Variants in CCDC78 observed in about 807,000 individuals in gnomAD.
CCDC78 encodes the protein coiled-coil domain-containing protein 78.
CCDC78 carries 78 observed loss-of-function variants against 61.9 expected under a neutral mutation model. The observed-to-expected ratio is 1.26, with a 90% confidence interval of 1.05 to 1.52. CCDC78 has a LOEUF of 1.52. Ranked by LOEUF, CCDC78 falls within the 40% of genes most tolerant of loss-of-function variation. CCDC78 has a pLI of 0.00. For synonymous variants in CCDC78, 287 were observed against 251.9 expected (o/e 1.14, Z -1.32); for missense variants, 737 against 615.5 (o/e 1.20, Z -2.09).
In CCDC78 at chr16:722,946, T is replaced by A; in HGVS notation, c.1277A>T (p.Glu426Val). 2.5e-6 allele frequency: 4 copies of A among 1,612,332 alleles called. No homozygotes were observed. Among genetic ancestry groups the A allele is most frequent in the Non-Finnish European group, 3.4e-6 (4 of 1,179,990 alleles). Residue 426 changes from glutamate (E) to valine (V), a missense_variant, in exon 13 of 14, where the codon GAG (glutamate) becomes GTG (valine). Transcript: ENST00000345165. ...MAEEQLSELQ[E>V]YVDQHLGRYK... Reference sequence around the variant, plus strand: ...CCTGCCCAGGTGCTGGTCCACGTACTCCTGTAGCTCAGAAAGTTGCTCTTC... The same window carrying A: ...CCTGCCCAGGTGCTGGTCCACGTACACCTGTAGCTCAGAAAGTTGCTCTTC...
intron 11 of CCDC78, 84 bp from the exon 12 acceptor site, chr16:723,245 C>T (rs757478048): frequency 6.9e-7 from 1 of 1,455,372 alleles, no homozygotes; most frequent in Non-Finnish European, 9.5e-7. Context: ...GAGTCAGGTT[C>T]CCAGAGCCGG....
At chr16:726,570 C>G (rs1025607223), upstream of CCDC78, 7 of 616,156 alleles carry the variant, frequency 1.1e-5, no homozygotes, top group East Asian at 1.7e-4. Flanking sequence ...TCCATGCCTC[C>G]GTTTCCCCAT....
Position 726,295 on chromosome 16 carries a change from C to T in CCDC78, c.60+13G>A. On this transcript the variant is annotated intron_variant, in intron 1 of 13. Coordinates refer to ENST00000345165, the MANE Select transcript of CCDC78 (RefSeq NM_001378030.1). Reference sequence around the variant, plus strand: ...AACCCCATGGCAGGAGCGGCAAGTCCCAGAGGACTCACATTCTCCACCCGC... The same window carrying T: ...AACCCCATGGCAGGAGCGGCAAGTCTCAGAGGACTCACATTCTCCACCCGC... The T allele has an allele frequency of 6.5e-7, 1 of 1,549,102 alleles. No individual in the cohort carries two copies. Among genetic ancestry groups the T allele is most frequent in the South Asian group, 1.2e-5 (1 of 84,062 alleles).
Position 724,987 on chromosome 16 carries a change from G to T in CCDC78, c.563C>A (p.Ala188Glu), listed in dbSNP as rs544611315. The T allele has an allele frequency of 6.2e-7, 1 of 1,612,204 alleles. No homozygotes were observed. Among genetic ancestry groups the T allele is most frequent in the Admixed American group, 1.7e-5 (1 of 59,946 alleles). Reference protein sequence around the residue: ...ARQQALVTRVATLGRQLQGAR... With the variant: ...ARQQALVTRVETLGRQLQGAR... ...TCCCTGCAGCTGCCGGCCCAGGGTT[G>T]CCCTGAAGACACGGGGGTGAGGCTC... Residue 188 changes from alanine to glutamate, a missense_variant and splice_region_variant, in exon 7 of 14, where the codon GCA (alanine) becomes GAA (glutamate). Physicochemically the swap from Ala to Glu is moderately radical, Grantham distance 107 (BLOSUM62 -1). Coordinates refer to ENST00000345165, the MANE Select transcript of CCDC78 (RefSeq NM_001378030.1).
At chr16:724,539 GC>G in intron 8 of CCDC78, 30 bp from the exon 9 acceptor site, 1 of 1,577,720 alleles carries the variant, frequency 6.3e-7, no homozygotes, top group Non-Finnish European at 8.6e-7. Context: ...TCCGCATGGG[GC>G]CCACCCCCCA....
Position 724,720 on chromosome 16 carries a change from C to G in CCDC78, c.726G>C (p.Glu242Asp), listed in dbSNP as rs1012692311. ...CGCAGTGTTGCAGCCGTAGGACGTA[C>G]TCATCCTTCAGTTTCTTGAGCTGCA... Reference protein sequence around the residue: ...LQLQLKKLKDEYVLRLQHCAW... With the variant: ...LQLQLKKLKDDYVLRLQHCAW... Residue 242 changes from glutamate (E) to aspartate (D), a missense_variant, in exon 8 of 14, where the codon GAG (glutamate) becomes GAC (aspartate). Glu to Asp is a conservative substitution (Grantham distance 45). Coordinates refer to ENST00000345165, the MANE Select transcript of CCDC78 (RefSeq NM_001378030.1). 2.5e-6 allele frequency: 4 copies of G among 1,612,038 alleles called. No homozygotes were observed. The African/African-American group carries it at 5.3e-5, about 22-fold the overall frequency.
chr16:725,365 C>T, intron 4 of CCDC78, 48 bp downstream of exon 4: 2 of 1,611,706 alleles, frequency 1.2e-6, no homozygotes, highest in South Asian at 1.1e-5. Context: ...CCTGCTGAGG[C>T]TTCCCTCTGG....
intron 1 of CCDC78, 48 bp from the exon 2 acceptor site, chr16:726,133 T>C (rs748801408): frequency 6.5e-7 from 1 of 1,549,856 alleles, no homozygotes; most frequent in East Asian, 2.4e-5. Flanking sequence ...CAGGCTGGGC[T>C]GTGGCCCCAC....
chr16:724,014 G>A, intron 10 of CCDC78, 78 bp from the exon 11 acceptor site: 1 of 1,431,928 alleles, frequency 7.0e-7, no homozygotes, highest in Middle Eastern at 2.1e-4. Context: ...TGAGGTCTCT[G>A]TTGAGCCCAG....
chr16:725,601 G>A, intron 3 of CCDC78, 21 bp from the exon 4 acceptor site: 2 of 1,601,256 alleles, frequency 1.2e-6, no homozygotes, highest in Non-Finnish European at 1.7e-6. Flanking sequence ...ACTGGCATGA[G>A]CAGGTGCACC....
At chr16:723,836 C>G in intron 11 of CCDC78, 21 bp downstream of exon 11, 1 of 1,563,740 alleles carries the variant, frequency 6.4e-7, no homozygotes, top group Non-Finnish European at 8.7e-7. Flanking sequence ...AGGCCTCCCC[C>G]ACACCCATGA....
intron 6 of CCDC78, 37 bp downstream of exon 6, chr16:725,041 G>A: frequency 1.9e-6 from 3 of 1,612,594 alleles, no homozygotes; most frequent in Middle Eastern, 3.3e-4. Context: ...GGTTCTCTCT[G>A]CTCCAGGATG....
chr16:723,064 G>A (rs758628387), intron 12 of CCDC78, 31 bp downstream of exon 12: 2 of 1,612,692 alleles, frequency 1.2e-6, no homozygotes, highest in Non-Finnish European at 1.7e-6. Context: ...CATGGCGTGA[G>A]GATGGGCCTG....
chr16:724,639 G>C, intron 8 of CCDC78, 42 bp downstream of exon 8: 1 of 1,596,604 alleles, frequency 6.3e-7, no homozygotes, highest in Non-Finnish European at 8.5e-7. Flanking sequence ...CCCAGGCCAG[G>C]CTTGGGCTCC....
Position 722,769 on chromosome 16 carries a change from C to T in CCDC78, c.1322G>A (p.Arg441Lys). ...CCCTGCACCTGCCAGCTTCCTCAGC[C>T]TCAGGATTTCGTGCTTGTACCTGCT... ...HLGRYKHEILRLRKLAGAGDP... is the reference protein window; with the variant it reads ...HLGRYKHEILKLRKLAGAGDP... The change falls in exon 14 of 14, where the codon AGG (arginine) becomes AAG (lysine). Residue 441 changes from arginine to lysine, a missense_variant. Transcript: ENST00000345165. 6.2e-7 allele frequency: 1 copy of T among 1,612,638 alleles called. No individual in the cohort carries two copies. Among genetic ancestry groups the T allele is most frequent in the South Asian group, 1.1e-5 (1 of 91,090 alleles).
At position 725,492 on chromosome 16, in the gene CCDC78, G is replaced by T. The variant is rs750379614; in HGVS notation, c.356C>A (p.Pro119His). The T allele has an allele frequency of 6.2e-7, 1 of 1,612,688 alleles. No homozygotes were observed. Among genetic ancestry groups the T allele is most frequent in the Non-Finnish European group, 8.5e-7 (1 of 1,179,982 alleles). Residue 119 changes from proline to histidine, a missense_variant, in exon 4 of 14, where the codon CCC becomes CAC. Physicochemically the swap from Pro to His is moderately conservative, Grantham distance 77 (BLOSUM62 -2). Coordinates refer to ENST00000345165, the MANE Select transcript of CCDC78 (RefSeq NM_001378030.1). ...TTGGGCTGCTGCCCGGGGATGCCTGGGGTCAGACTCCACTGGGACTGCACA... is the reference window on the plus strand; with the variant it reads ...TTGGGCTGCTGCCCGGGGATGCCTGTGGTCAGACTCCACTGGGACTGCACA... Reference protein sequence around the residue: ...QGCAVPVESDPRHPRAAAQEL... With the variant: ...QGCAVPVESDHRHPRAAAQEL...
intron 10 of CCDC78, 74 bp from the exon 11 acceptor site, chr16:724,010 C>A (rs1338280819): frequency 6.4e-7 from 1 of 1,562,144 alleles, no homozygotes; most frequent in Non-Finnish European, 8.8e-7. Context: ...GGGCTGAGGT[C>A]TCTGTTGAGC....
rs1477528084 is a variant in CCDC78 at position 725,844 on chromosome 16, G to A, written c.217C>T (p.His73Tyr). The A allele has an allele frequency of 5.6e-6, 9 of 1,611,404 alleles. No homozygotes were observed. The highest frequency in any genetic ancestry group is 1.7e-5 in the Admixed American group (1 of 59,764). The change falls in exon 3 of 14, where the codon CAC (histidine) becomes TAC (tyrosine). Residue 73 changes from histidine (H) to tyrosine (Y), a missense_variant. Physicochemically the swap from His to Tyr is moderately conservative, Grantham distance 83. Coordinates refer to ENST00000345165, the MANE Select transcript of CCDC78 (RefSeq NM_001378030.1). ...KELVDIQITT[H>Y]HLHEQHEAEI... Reference sequence around the variant, plus strand: ...GCCTCATGCTGCTCATGTAGGTGGTGGGTTGTGATCTGAATGTCGACCAGC... The same window carrying A: ...GCCTCATGCTGCTCATGTAGGTGGTAGGTTGTGATCTGAATGTCGACCAGC...
chr16:723,827 G>A (rs766543879), intron 11 of CCDC78, 30 bp downstream of exon 11: 5 of 1,550,860 alleles, frequency 3.2e-6, no homozygotes, highest in Non-Finnish European at 3.5e-6. Flanking sequence ...ATCCCCCACA[G>A]GCCTCCCCCA....
Sources: allele counts gnomAD v4.1 joint callset, GRCh38; gene constraint gnomAD v4.1.1; transcripts MANE v1.5; gene names NCBI Gene and HGNC (gene_info 2026-07-23, HGNC 2026-07-21).